The following REEP1 variants were observed in gnomAD, a reference collection of about 807,000 sequenced individuals.
REEP1 encodes the protein receptor accessory protein 1.
A neutral mutation model predicts 40.3 loss-of-function variants in REEP1; 22 were observed. That is an observed-to-expected ratio of 0.55 (90% CI 0.39 to 0.78). The LOEUF (loss-of-function observed/expected upper bound fraction) is 0.78. Among genes scored for constraint, REEP1 ranks in the 30% least tolerant of loss-of-function variants. REEP1 has a pLI of 0.00. For missense variants in REEP1, 280 were observed against 361.1 expected (o/e 0.78, Z 1.82); for synonymous variants, 116 against 139.2 (o/e 0.83, Z 1.17).
At chr2:86,252,367 G>T (rs1250431279) in intron 4 of REEP1, among the ~76,000 whole-genome samples, 1 of 152,090 alleles carries the variant, frequency 6.6e-6, no homozygotes, top group African/African-American at 2.4e-5. Flanking sequence ...GGACAGCCTT[G>T]CCTGCCATTC....
intron 1 of REEP1, among the ~76,000 whole-genome samples, chr2:86,323,986 T>G (rs1464139261): frequency 6.6e-6 from 1 of 151,796 alleles, no homozygotes; most frequent in Non-Finnish European, 1.5e-5. Flanking sequence ...AGAAAAAAAA[T>G]TAGACTGCTG....
intron 1 of REEP1, among the ~76,000 whole-genome samples, chr2:86,319,537 A>G (rs1365714708): frequency 1.3e-5 from 2 of 152,174 alleles, no homozygotes; most frequent in Admixed American, 6.5e-5. Flanking sequence ...TCTACTAAAA[A>G]TACAAAAATT....
At chr2:86,280,183 G>T in intron 2 of REEP1, 1 of 374,590 alleles carries the variant, frequency 2.7e-6, no homozygotes, top group South Asian at 2.0e-5. Context: ...GAGTGTGAGT[G>T]CAGAGAAAGG....
intron 3 of REEP1, among the ~76,000 whole-genome samples, chr2:86,259,152 T>C (rs1402266694): frequency 6.6e-6 from 1 of 151,526 alleles, no homozygotes; most frequent in Non-Finnish European, 1.5e-5. Context: ...TAGCCAGGCA[T>C]GGTGGCACGT....
At chr2:86,258,233 C>T (rs938377668) in intron 3 of REEP1, among the ~76,000 whole-genome samples, 16 of 152,324 alleles carry the variant, frequency 1.1e-4, no homozygotes, top group South Asian at 2.1e-4. Context: ...CTGTTGCTTG[C>T]TAGAATGGAT....
intron 1 of REEP1, among the ~76,000 whole-genome samples, chr2:86,319,650 C>G (rs1680193203): frequency 6.6e-6 from 1 of 151,918 alleles, no homozygotes; most frequent in Non-Finnish European, 1.5e-5. Flanking sequence ...AGCCAAGGTT[C>G]TGCCACTGCA....
intron 1 of REEP1, among the ~76,000 whole-genome samples, chr2:86,298,515 G>A (rs906507765): frequency 1.3e-5 from 2 of 152,230 alleles, no homozygotes; most frequent in Non-Finnish European, 2.9e-5. Flanking sequence ...GCACCGTGTC[G>A]AGTTCTGGGG....
At chr2:86,281,741 G>A (rs1678105663) in intron 2 of REEP1, among the ~76,000 whole-genome samples, 1 of 152,206 alleles carries the variant, frequency 6.6e-6, no homozygotes, top group South Asian at 2.1e-4. Flanking sequence ...TGGAATGGGG[G>A]CAGAGCTGCA....
chr2:86,227,534 C>T, intron 6 of REEP1, 136 bp from the exon 7 acceptor site: 1 of 630,046 alleles, frequency 1.6e-6, no homozygotes, highest in Non-Finnish European at 2.3e-6. Context: ...AGGTGGGTCT[C>T]TGTAGAGACA....
At chr2:86,235,967 AG>A (rs1675301957) in intron 5 of REEP1, among the ~76,000 whole-genome samples, 1 of 152,228 alleles carries the variant, frequency 6.6e-6, no homozygotes, top group Admixed American at 6.5e-5. Context: ...CTGTAATCCC[AG>A]CACTTTGGGA....
At chr2:86,264,130 A>T (rs7609282) in intron 2 of REEP1, 89 bp from the exon 3 acceptor site, 2 of 917,142 alleles carry the variant, frequency 2.2e-6, no homozygotes, top group Admixed American at 3.4e-5. Context: ...GGCGGCAGAT[A>T]CGGAGGCACG....
At chr2:86,282,140 A>T (rs779447687) in intron 2 of REEP1, 30 bp downstream of exon 2, 2 of 1,515,236 alleles carry the variant, frequency 1.3e-6, no homozygotes, top group African/African-American at 2.7e-5. Flanking sequence ...ACTCCAGCCA[A>T]CCCGCTCGAA....
chr2:86,324,937 T>C (rs554118881), intron 1 of REEP1, among the ~76,000 whole-genome samples: 2 of 152,352 alleles, frequency 1.3e-5, no homozygotes, highest in East Asian at 3.9e-4. Flanking sequence ...ATAAAGGTAG[T>C]GTTCTAGTTC....
intron 1 of REEP1, among the ~76,000 whole-genome samples, chr2:86,290,009 T>A (rs1678608056): frequency 6.6e-6 from 1 of 152,142 alleles, no homozygotes; most frequent in Non-Finnish European, 1.5e-5. Flanking sequence ...TCTTTTTTTG[T>A]TTTTTGAGAT....
intron 1 of REEP1, among the ~76,000 whole-genome samples, chr2:86,284,760 G>A (rs1374253391): frequency 1.3e-5 from 2 of 152,140 alleles, no homozygotes; most frequent in African/African-American, 4.8e-5. Context: ...CCCGTGGGTC[G>A]TGACACCCTC....
In REEP1 at chr2:86,233,184, C is replaced by A. The variant is rs754856315; in HGVS notation, c.418-382G>T. 7.9e-5 allele frequency among the ~76,000 whole-genome samples: 12 copies of A among 152,346 alleles called. No individual in the cohort carries two copies. The South Asian group carries it at 8.3e-4, about 11-fold the overall frequency. ...TCTCTTGCTTTGCATAAATAAAAAT[C>A]CACATGTATCTCCATTTTTCTCAGT... On this transcript the variant is annotated intron_variant, in intron 5 of 8. Transcript: ENST00000538924.
At chr2:86,324,698 T>A (rs1311264722) in intron 1 of REEP1, among the ~76,000 whole-genome samples, 2 of 152,066 alleles carry the variant, frequency 1.3e-5, no homozygotes. Context: ...AGCCCCAGGA[T>A]AGGCCCCCTT....
chr2:86,316,781 C>T (rs550693057), intron 1 of REEP1, among the ~76,000 whole-genome samples: 1 of 152,116 alleles, frequency 6.6e-6, no homozygotes, highest in South Asian at 2.1e-4. Context: ...ATCACTTGAA[C>T]CCAGGAGGCA....
At chr2:86,235,164 C>T (rs888916728) in intron 5 of REEP1, among the ~76,000 whole-genome samples, 2 of 152,166 alleles carry the variant, frequency 1.3e-5, no homozygotes, top group African/African-American at 2.4e-5. Context: ...ACCAAAAATA[C>T]AGTTTGATTT....
Sources: gnomAD v4.1 joint callset for allele counts (sites outside exome capture counted in the v4.1 genomes callset) on GRCh38, gnomAD v4.1.1 for gene constraint, MANE v1.5 for transcripts, NCBI Gene and HGNC (gene_info 2026-07-23, HGNC 2026-07-21) for gene names.